The following MALRD1 variants were observed in gnomAD, a reference collection of about 807,000 sequenced individuals.
MALRD1 encodes the protein MAM and LDL-receptor class A domain-containing protein 1.
In MALRD1, 247 loss-of-function variants were observed where a neutral mutation model predicts 242.1. That is an observed-to-expected ratio of 1.02 (90% CI 0.92 to 1.13). The LOEUF (loss-of-function observed/expected upper bound fraction) is 1.13, where lower values mean the gene tolerates loss of function less well. Ranked by LOEUF, MALRD1 falls within the 50% of genes most tolerant of loss-of-function variation. The pLI is 0.00. For synonymous variants in MALRD1, 995 were observed against 866.6 expected (o/e 1.15, Z -2.60); for missense variants, 2,989 against 2,533.1 (o/e 1.18, Z -3.86).
At chr10:19,678,170 A>G (rs1041364717) in intron 36 of MALRD1, among the ~76,000 whole-genome samples, 4 of 152,060 alleles carry the variant, frequency 2.6e-5, no homozygotes, top group African/African-American at 9.7e-5. Flanking sequence ...TTGTTTCCAT[A>G]TGAATTTTAA....
intron 19 of MALRD1, among the ~76,000 whole-genome samples, chr10:19,277,606 C>A (rs1011438613): frequency 6.6e-6 from 1 of 152,100 alleles, no homozygotes; most frequent in Non-Finnish European, 1.5e-5. Flanking sequence ...ACAGGGTAGC[C>A]TGGAAGACAT....
At chr10:19,634,529 A>G (rs1840040976) in intron 36 of MALRD1, among the ~76,000 whole-genome samples, 3 of 152,114 alleles carry the variant, frequency 2.0e-5, no homozygotes, top group Non-Finnish European at 2.9e-5. Flanking sequence ...TGGAAGACAA[A>G]ATGGATTTCT....
At chr10:19,662,956 C>T (rs1395726046) in intron 36 of MALRD1, among the ~76,000 whole-genome samples, 2 of 152,054 alleles carry the variant, frequency 1.3e-5, no homozygotes, top group East Asian at 1.9e-4. Context: ...AGGAGTATAC[C>T]ATATCCATGG....
In MALRD1 at chr10:19,202,176, A is replaced by G. The variant is rs12265367; in HGVS notation, c.1952-1552A>G. On this transcript the variant is annotated intron_variant, in intron 14 of 39. Coordinates refer to ENST00000454679, the MANE Select transcript of MALRD1 (RefSeq NM_001142308.3). ...ATTTCGCTTGTTTCTAATTGTCTTT[A>G]TATACTGAAGTATAGCTATCTCTTG... Among the ~76,000 whole-genome samples the G allele has an allele frequency of 2.8e-3, 430 of 152,042 alleles. 1 individual carries two copies. The highest frequency in any genetic ancestry group is 0.01 in the African/African-American group (416 of 41,476).
intron 1 of MALRD1, among the ~76,000 whole-genome samples, chr10:19,062,844 T>C (rs1335273011): frequency 2.6e-5 from 4 of 151,904 alleles, no homozygotes; most frequent in African/African-American, 9.7e-5. Context: ...ATATACTGAA[T>C]ACCACAGAAC....
rs566627824 is a variant in MALRD1, at chr10:19,199,404, G to A, written c.1952-4324G>A. ...ATAGAAGCTGTATAATTTTTAAGAG[G>A]ATAGCCTTTGCCATCAGGTTTGGGT... On this transcript the variant is annotated intron_variant, in intron 14 of 39. Transcript: ENST00000454679. 5.3e-5 allele frequency among the ~76,000 whole-genome samples: 8 copies of A among 152,280 alleles called. No individual in the cohort carries two copies. In the East Asian group the frequency reaches 1.5e-3, roughly 29 times the overall value.
At chr10:19,618,339 G>A (rs1467196466) in intron 36 of MALRD1, among the ~76,000 whole-genome samples, 1 of 151,974 alleles carries the variant, frequency 6.6e-6, no homozygotes, top group Non-Finnish European at 1.5e-5. Flanking sequence ...ATTCCTTTGG[G>A]TATATACCCA....
intron 31 of MALRD1, among the ~76,000 whole-genome samples, chr10:19,523,338 A>T (rs973494198): frequency 6.6e-5 from 10 of 152,200 alleles, no homozygotes; most frequent in Admixed American, 6.5e-4. Context: ...GAAAATAACT[A>T]TTCTTCTGTT....
intron 11 of MALRD1, among the ~76,000 whole-genome samples, chr10:19,152,719 A>G (rs1022039868): frequency 6.6e-6 from 1 of 152,120 alleles, no homozygotes; most frequent in Non-Finnish European, 1.5e-5. Context: ...TAATTATAAA[A>G]AATGGAATAC....
At chr10:19,359,801 A>C (rs941432605) in intron 26 of MALRD1, among the ~76,000 whole-genome samples, 1 of 151,998 alleles carries the variant, frequency 6.6e-6, no homozygotes, top group African/African-American at 2.4e-5. Flanking sequence ...AATGTAACTG[A>C]GGGATTCACT....
Position 19,208,559 on chromosome 10 carries a change from G to A in MALRD1, c.2579-709G>A, listed in dbSNP as rs1478173018. Among the ~76,000 whole-genome samples, 7 of 152,138 alleles carry A rather than the reference G, an allele frequency of 4.6e-5. No individual in the cohort carries two copies. In the South Asian group the frequency reaches 1.0e-3, roughly 23 times the overall value. On this transcript the variant is annotated intron_variant, in intron 17 of 39. Coordinates refer to ENST00000454679, the MANE Select transcript of MALRD1 (RefSeq NM_001142308.3). The stretch of plus-strand genomic sequence containing the variant: ...CTGATGCGTAGGGACTCTAGGATCT[G>A]GGACGGGATGGAACCAAAGACAAGA...
At chr10:19,102,708 CA>C (rs1836311058) in intron 4 of MALRD1, among the ~76,000 whole-genome samples, 1 of 152,164 alleles carries the variant, frequency 6.6e-6, no homozygotes, top group Non-Finnish European at 1.5e-5. Flanking sequence ...TGTCTGCCAT[CA>C]ACATGCCAAT....
intron 29 of MALRD1, among the ~76,000 whole-genome samples, chr10:19,477,044 T>C (rs572889649): frequency 2.6e-5 from 4 of 152,302 alleles, no homozygotes; most frequent in Admixed American, 6.5e-5. Flanking sequence ...TAATTCTTGA[T>C]TTTTTCATTC....
intron 19 of MALRD1, among the ~76,000 whole-genome samples, chr10:19,261,769 A>G (rs1839760977): frequency 8.0e-6 from 1 of 125,462 alleles, no homozygotes; most frequent in Non-Finnish European, 1.8e-5. Context: ...GTACTTCAAA[A>G]TCAACCTTTT....
intron 18 of MALRD1, among the ~76,000 whole-genome samples, chr10:19,218,240 T>C (rs1418248482): frequency 6.6e-6 from 1 of 152,176 alleles, no homozygotes; most frequent in African/African-American, 2.4e-5. Context: ...CTAATAAAAG[T>C]GTTTTACTTA....
intron 33 of MALRD1, among the ~76,000 whole-genome samples, chr10:19,593,269 A>G (rs774017459): frequency 6.6e-6 from 1 of 152,168 alleles, no homozygotes; most frequent in African/African-American, 2.4e-5. Context: ...TCTCTCTCCT[A>G]CTTAAATATA....
intron 28 of MALRD1, among the ~76,000 whole-genome samples, chr10:19,417,520 G>A (rs1833556440): frequency 6.6e-6 from 1 of 152,054 alleles, no homozygotes; most frequent in Non-Finnish European, 1.5e-5. Flanking sequence ...TATCAATATG[G>A]CAAGACAAAC....
chr10:19,509,215 C>G (rs1424514283), intron 31 of MALRD1, among the ~76,000 whole-genome samples: 1 of 152,126 alleles, frequency 6.6e-6, no homozygotes, highest in African/African-American at 2.4e-5. Flanking sequence ...GGGCAATACT[C>G]AGAACCAAAA....
At chr10:19,612,242 A>G (rs1838934387) in intron 35 of MALRD1, among the ~76,000 whole-genome samples, 1 of 151,930 alleles carries the variant, frequency 6.6e-6, no homozygotes, top group African/African-American at 2.4e-5. Context: ...CAAACCAGCA[A>G]ATTCCTTATT....
Sources: allele counts gnomAD v4.1 joint callset (sites outside exome capture counted in the v4.1 genomes callset), GRCh38; gene constraint gnomAD v4.1.1; transcripts MANE v1.5; gene names NCBI Gene and HGNC (gene_info 2026-07-23, HGNC 2026-07-21).